HSPA12A: variants seen among roughly 807,000 people sequenced by gnomAD.
HSPA12A encodes the protein heat shock protein family A (Hsp70) member 12A.
A neutral mutation model predicts 69.2 loss-of-function variants in HSPA12A; 28 were observed. The ratio of observed to expected loss-of-function variants is 0.40; its 90% confidence interval spans 0.30 to 0.55. HSPA12A has a LOEUF of 0.55. Among genes scored for constraint, HSPA12A ranks in the 20% least tolerant of loss-of-function variants. HSPA12A has a pLI of 0.38. For synonymous variants in HSPA12A, 345 were observed against 370.5 expected (o/e 0.93, Z 0.79); for missense variants, 686 against 900.7 (o/e 0.76, Z 3.05).
At chr10:116,721,850 C>T (rs768671587) in intron 1 of HSPA12A, among the ~76,000 whole-genome samples, 19 of 152,236 alleles carry the variant, frequency 1.2e-4, no homozygotes, top group Non-Finnish European at 2.6e-4. Flanking sequence ...ATCATGGCTG[C>T]TCACCCACGT....
chr10:116,766,642 G>C (rs1844082812), intron 2 of HSPA12A, among the ~76,000 whole-genome samples: 1 of 152,098 alleles, frequency 6.6e-6, no homozygotes, highest in Admixed American at 6.5e-5. Context: ...AATTAACCCA[G>C]ATTGTCATTT....
In HSPA12A at chr10:116,810,262, C is replaced by T. The variant is rs1845151381; in HGVS notation, c.91+24673G>A. Among the ~76,000 whole-genome samples the T allele has an allele frequency of 1.3e-5, 2 of 152,098 alleles. 1 individual carries two copies. The highest frequency in any genetic ancestry group is 2.9e-5 in the Non-Finnish European group (2 of 68,004). On this transcript the variant is annotated intron_variant, in intron 2 of 12. Transcript: ENST00000635765. ...CGGCGGGAAGCGCTCTTGAAACCTC[C>T]CGGCTGCAGCCACCGTTTCATTTTC...
chr10:116,849,862 G>T, upstream of HSPA12A: 1 of 1,053,220 alleles, frequency 9.5e-7, no homozygotes, highest in Non-Finnish European at 1.4e-6. Context: ...GGGCCTGCGT[G>T]TGCGGAGGAG....
intron 2 of HSPA12A, among the ~76,000 whole-genome samples, chr10:116,757,430 C>T (rs782284214): frequency 2.6e-5 from 4 of 152,176 alleles, no homozygotes; most frequent in African/African-American, 4.8e-5. Context: ...CCCGTGTAGA[C>T]AACCAGGCCC....
intron 2 of HSPA12A, among the ~76,000 whole-genome samples, chr10:116,770,848 G>GA (rs2133116637): frequency 6.6e-6 from 1 of 152,140 alleles, no homozygotes; most frequent in East Asian, 1.9e-4. Context: ...TCAAATGCCT[G>GA]AAAGCCTTTT....
intron 2 of HSPA12A, among the ~76,000 whole-genome samples, chr10:116,788,485 CTAAAAAAACAA>C (rs1199155512): frequency 6.6e-6 from 1 of 152,164 alleles, no homozygotes; most frequent in Non-Finnish European, 1.5e-5. Flanking sequence ...TATTCTCATT[CTAAAAAAACAA>C]TAATGAAAAG....
chr10:116,719,456 C>A (rs1410091994), intron 1 of HSPA12A, among the ~76,000 whole-genome samples: 1 of 152,240 alleles, frequency 6.6e-6, no homozygotes, highest in Non-Finnish European at 1.5e-5. Context: ...CCATGAGCTG[C>A]CAAATCAGCC....
At chr10:116,694,626 C>T (rs1281989494) in intron 5 of HSPA12A, among the ~76,000 whole-genome samples, 6 of 152,080 alleles carry the variant, frequency 3.9e-5, no homozygotes, top group African/African-American at 4.8e-5. Flanking sequence ...CTTTCTGAGT[C>T]CTAAATTTTG....
chr10:116,778,115 C>T (rs1844381471), intron 2 of HSPA12A, among the ~76,000 whole-genome samples: 1 of 152,204 alleles, frequency 6.6e-6, no homozygotes, highest in South Asian at 2.1e-4. Context: ...AGGAGCCGCA[C>T]ATCATTGGGG....
intron 5 of HSPA12A, among the ~76,000 whole-genome samples, chr10:116,697,856 CA>C (rs58401375): frequency 0.32 from 48,495 of 151,814 alleles, 8,380 homozygotes; most frequent in African/African-American, 0.43. Flanking sequence ...CAGCCCTGCG[CA>C]GAAAAAGTCT....
intron 2 of HSPA12A, among the ~76,000 whole-genome samples, chr10:116,794,194 A>G (rs1396977700): frequency 1.3e-5 from 2 of 152,136 alleles, no homozygotes; most frequent in Non-Finnish European, 2.9e-5. Flanking sequence ...TGGGTGACTG[A>G]GCAAGACTCC....
chr10:116,826,387 A>T (rs1257886165), intron 2 of HSPA12A, among the ~76,000 whole-genome samples: 1 of 152,190 alleles, frequency 6.6e-6, no homozygotes, highest in East Asian at 1.9e-4. Context: ...CTTAATAAGT[A>T]TTTCTTGAAT....
intron 1 of HSPA12A, among the ~76,000 whole-genome samples, chr10:116,722,905 C>G (rs1850825683): frequency 6.6e-6 from 1 of 152,056 alleles, no homozygotes; most frequent in African/African-American, 2.4e-5. Context: ...GAAGGTAGCT[C>G]CAGGAAGGTG....
At position 116,672,067 on chromosome 10, in the gene HSPA12A, G is replaced by C. The variant is rs1289636745; in HGVS notation, c.*2714C>G. ...TCATTTAAGAGAAACAGTACACAGG[G>C]AGATAGCATTAATGCAAGGCAGGAA... On this transcript the variant is annotated 3_prime_UTR_variant, in exon 12 of 12. Transcript: ENST00000369209. 2 of 152,204 alleles carry C rather than the reference G, an allele frequency of 1.3e-5. No individual in the cohort carries two copies. Among genetic ancestry groups the C allele is most frequent in the Non-Finnish European group, 2.9e-5 (2 of 68,056 alleles). The allele number at this position is 152,204 out of a possible 1,614,324, so 9.4% of individuals were successfully genotyped here.
intron 2 of HSPA12A, among the ~76,000 whole-genome samples, chr10:116,790,307 G>A (rs1425324822): frequency 2.0e-5 from 3 of 151,794 alleles, no homozygotes; most frequent in Non-Finnish European, 2.9e-5. Context: ...GTTTCACCGT[G>A]TTAGCCAGGA....
chr10:116,764,294 G>T (rs1483142972), intron 2 of HSPA12A, among the ~76,000 whole-genome samples: 1 of 152,120 alleles, frequency 6.6e-6, no homozygotes, highest in Non-Finnish European at 1.5e-5. Context: ...ATTATCGTAG[G>T]CTGAATTGTG....
At chr10:116,797,491 C>CAT (rs1844854615) in intron 2 of HSPA12A, among the ~76,000 whole-genome samples, 1 of 152,116 alleles carries the variant, frequency 6.6e-6, no homozygotes, top group Non-Finnish European at 1.5e-5. Flanking sequence ...TGTGTATATG[C>CAT]ATATGTGTTT....
At chr10:116,691,894 A>G (rs1237887015) in intron 6 of HSPA12A, among the ~76,000 whole-genome samples, 1 of 152,226 alleles carries the variant, frequency 6.6e-6, no homozygotes, top group Non-Finnish European at 1.5e-5. Flanking sequence ...TGCGGCAGAC[A>G]TGCAGTTTTC....
chr10:116,693,861 A>C (rs1280634096), intron 5 of HSPA12A, among the ~76,000 whole-genome samples: 2 of 152,266 alleles, frequency 1.3e-5, no homozygotes, highest in South Asian at 4.1e-4. Context: ...AGTTAAGTAC[A>C]TTCAGTAAAC....
Sources: gnomAD v4.1 joint callset for allele counts (sites outside exome capture counted in the v4.1 genomes callset) on GRCh38, gnomAD v4.1.1 for gene constraint, MANE v1.5 for transcripts, NCBI Gene and HGNC (gene_info 2026-07-23, HGNC 2026-07-21) for gene names.